SLIT1: variants seen among roughly 807,000 people sequenced by gnomAD.
SLIT1 encodes the protein slit guidance ligand 1.
A neutral mutation model predicts 186.1 loss-of-function variants in SLIT1; 66 were observed. The ratio of observed to expected loss-of-function variants is 0.35; its 90% CI spans 0.29 to 0.44. SLIT1 has a LOEUF of 0.44. Among genes scored for constraint, SLIT1 ranks in the 20% least tolerant of loss-of-function variants. The probability of loss-of-function intolerance (pLI) is 1.00; values close to 1 mark genes in which losing one functional copy is unlikely to be tolerated. For missense variants in SLIT1, 1,638 were observed against 2,037.4 expected (o/e 0.80, Z 3.77); for synonymous variants, 761 against 833.8 (o/e 0.91, Z 1.50).
intron 23 of SLIT1, among the ~76,000 whole-genome samples, chr10:97,034,185 T>A (rs1445910505): frequency 6.6e-6 from 1 of 152,248 alleles, no homozygotes; most frequent in Non-Finnish European, 1.5e-5. Flanking sequence ...AATTTTTGAC[T>A]TGGTATCTAC....
intron 9 of SLIT1, 95 bp downstream of exon 9, chr10:97,060,545 C>G: frequency 6.7e-7 from 1 of 1,495,616 alleles, no homozygotes; most frequent in Non-Finnish European, 9.2e-7. Context: ...TTGGGGCAAG[C>G]CCTGAGGCAG....
At chr10:97,165,001 C>T (rs573886819) in intron 1 of SLIT1, 111 bp from the exon 2 acceptor site, 22 of 801,456 alleles carry the variant, frequency 2.7e-5, no homozygotes, top group African/African-American at 1.2e-4. Context: ...GTCTCATCAG[C>T]GGGGCTGGGG....
chr10:97,118,412 C>T (rs1849527733), intron 4 of SLIT1, among the ~76,000 whole-genome samples: 1 of 152,094 alleles, frequency 6.6e-6, no homozygotes, highest in South Asian at 2.1e-4. Flanking sequence ...GAGTTAGAGC[C>T]CACTCCCCAC....
intron 13 of SLIT1, among the ~76,000 whole-genome samples, chr10:97,051,531 G>GTTGA (rs1848786627): frequency 1.2e-5 from 1 of 80,848 alleles, no homozygotes; most frequent in African/African-American, 7.7e-5. Context: ...AAATGAAAAT[G>GTTGA]TCGGGCGCGG....
chr10:97,119,356 G>T (rs970178332), intron 4 of SLIT1, among the ~76,000 whole-genome samples: 1 of 152,162 alleles, frequency 6.6e-6, no homozygotes, highest in Non-Finnish European at 1.5e-5. Context: ...GGAAGCTAGT[G>T]GGTCTGGCCA....
intron 4 of SLIT1, among the ~76,000 whole-genome samples, chr10:97,105,764 G>A (rs1046601452): frequency 1.3e-5 from 2 of 152,188 alleles, no homozygotes; most frequent in Non-Finnish European, 1.5e-5. Context: ...TGTTAGCCGT[G>A]GCCCCTCTGG....
At chr10:97,094,139 G>A (rs571257933) in intron 4 of SLIT1, among the ~76,000 whole-genome samples, 4 of 152,362 alleles carry the variant, frequency 2.6e-5, no homozygotes, top group South Asian at 2.1e-4. Context: ...TGTGTCCTAC[G>A]TAGAAGAAAG....
chr10:97,024,394 G>A (rs1313919017), intron 25 of SLIT1, among the ~76,000 whole-genome samples: 1 of 152,196 alleles, frequency 6.6e-6, no homozygotes, highest in Non-Finnish European at 1.5e-5. Flanking sequence ...TTTCAATAAA[G>A]AGCCTGCAAC....
rs550790156 is a variant in SLIT1, at chr10:97,031,620, G to A, written c.2496C>T (p.Arg832=). The change falls in exon 24 of 37, where the codon CGC becomes CGT. Residue 832 remains arginine, a synonymous_variant. Transcript: ENST00000266058. The part of the protein sequence containing the change: ...CIPPLAFQGL[R]SLRLLSLHGN... ...AGGAGACTTACAGCAGGCGCAGGGA[G>A]CGGAGTCCCTGGAAGGCCAAAGGCG... 15 of 1,551,610 alleles carry A rather than the reference G, an allele frequency of 9.7e-6. No individual in the cohort carries two copies. The African/African-American group carries it at 2.0e-4, about 21-fold the overall frequency.
At position 97,064,329 on chromosome 10, in the gene SLIT1, C is replaced by T. The variant is rs540080913; in HGVS notation, c.558-90G>A. ...CCCTGCTAACGAACAGGGAGGCTCTCGACCTTAAAGTGACCAGCACGGGGC... is the reference window on the plus strand; with the variant it reads ...CCCTGCTAACGAACAGGGAGGCTCTTGACCTTAAAGTGACCAGCACGGGGC... On this transcript the variant is annotated intron_variant, in intron 6 of 36. Transcript: ENST00000266058. 8.6e-5 allele frequency: 93 copies of T among 1,080,634 alleles called. 2 individuals carry two copies. In the South Asian group the frequency reaches 1.1e-3, roughly 13 times the overall value. 66.9% of individuals were successfully genotyped at this position (1,080,634 alleles called of 1,614,324 possible). A position where few individuals can be genotyped will look rare whatever the true frequency, so the allele number is the denominator to read the frequency against.
chr10:97,013,939 C>A, intron 29 of SLIT1, 80 bp downstream of exon 29: 2 of 1,579,150 alleles, frequency 1.3e-6, no homozygotes, highest in Non-Finnish European at 1.7e-6. Flanking sequence ...GCAGGGATCC[C>A]CTTCCACTCC....
chr10:97,013,982 C>G, intron 29 of SLIT1, 37 bp downstream of exon 29: 1 of 1,606,646 alleles, frequency 6.2e-7, no homozygotes, highest in South Asian at 1.1e-5. Context: ...TCTCTGTTCC[C>G]CACCTCCCCC....
At chr10:97,136,632 A>G (rs1398146002) in intron 4 of SLIT1, among the ~76,000 whole-genome samples, 1 of 152,244 alleles carries the variant, frequency 6.6e-6, no homozygotes, top group Non-Finnish European at 1.5e-5. Flanking sequence ...GGCGTTTTAT[A>G]GAGTACTGAT....
In SLIT1 at chr10:97,185,558, G is replaced by C; in HGVS notation, c.117C>G (p.Thr39=). ...GGCAGTCCACCGTGGTTCCGGTGCA[G>C]GTGCAGAGGGCGGGGCACGCCGAGG... ...LGASACPALC[T]CTGTTVDCHG... Residue 39 remains threonine (T), a synonymous_variant, in exon 1 of 37, where the codon ACC becomes ACG. Transcript: ENST00000266058. 1 of 1,610,992 alleles carries C rather than the reference G, an allele frequency of 6.2e-7. No homozygotes were observed. Among genetic ancestry groups the C allele is most frequent in the Non-Finnish European group, 8.5e-7 (1 of 1,179,284 alleles).
chr10:97,108,886 CAAAAAAAAAAAAAAAA>C (rs11355026), intron 4 of SLIT1, among the ~76,000 whole-genome samples: 618 of 46,810 alleles, frequency 0.013, 9 homozygotes, highest in African/African-American at 0.048. Context: ...GTCTCAGTCT[CAAAAAAAAAAAAAAAA>C]AAAAAAAAAA....
chr10:97,159,849 C>G (rs905611174), intron 3 of SLIT1, among the ~76,000 whole-genome samples: 15 of 152,176 alleles, frequency 9.9e-5, no homozygotes, highest in African/African-American at 3.4e-4. Flanking sequence ...AAACACCCCC[C>G]ACAGAGGTTT....
chr10:97,173,837 G>C (rs544862973), intron 1 of SLIT1, among the ~76,000 whole-genome samples: 7 of 152,206 alleles, frequency 4.6e-5, no homozygotes, highest in Admixed American at 1.3e-4. Flanking sequence ...CTGACCCCAA[G>C]GAAAGGGTAG....
chr10:97,145,704 C>T (rs1252906063), intron 4 of SLIT1, among the ~76,000 whole-genome samples: 1 of 152,172 alleles, frequency 6.6e-6, no homozygotes, highest in Non-Finnish European at 1.5e-5. Flanking sequence ...CAGTTCCTTA[C>T]CTTCCCTTTA....
At position 97,060,769 on chromosome 10, in the gene SLIT1, C is replaced by CG; in HGVS notation, c.811dup (p.Arg271ProfsTer77). On this transcript the variant is annotated frameshift_variant, in exon 9 of 37. Transcript: ENST00000266058. LOFTEE classifies it high-confidence loss of function. Reference sequence around the variant, plus strand: ...GGAGGACAGGGTGCAGGTGGGCACGCGCCCCGCTTCTCCCTGGCCTGCAGA... The same window carrying CG: ...GGAGGACAGGGTGCAGGTGGGCACGCGGCCCCGCTTCTCCCTGGCCTGCAGA... The CG allele has an allele frequency of 6.2e-7, 1 of 1,607,128 alleles. No individual in the cohort carries two copies. Among genetic ancestry groups the CG allele is most frequent in the Non-Finnish European group, 8.5e-7 (1 of 1,176,788 alleles).
Sources: gnomAD v4.1 joint callset for allele counts (sites outside exome capture counted in the v4.1 genomes callset) on GRCh38, gnomAD v4.1.1 for gene constraint, MANE v1.5 for transcripts, NCBI Gene and HGNC (gene_info 2026-07-23, HGNC 2026-07-21) for gene names.